The following CDH18 variants were observed in gnomAD, a reference collection of about 807,000 sequenced individuals.
The protein encoded by CDH18 is cadherin 18.
Under a neutral mutation model 67.9 loss-of-function variants are expected in CDH18, and 31 were observed. That is an observed-to-expected ratio of 0.46 (90% confidence interval 0.34 to 0.62). The LOEUF (loss-of-function observed/expected upper bound fraction) is 0.62. Among genes scored for constraint, CDH18 ranks in the 20% least tolerant of loss-of-function variants. The pLI is 0.01. For synonymous variants in CDH18, 362 were observed against 347.2 expected, an observed-to-expected ratio of 1.04 and a Z score of -0.48; for missense variants, 890 against 975.5, an observed-to-expected ratio of 0.91 and a Z score of 1.17.
intron 1 of CDH18, among the ~76,000 whole-genome samples, chr5:20,440,166 A>G (rs1749504796): frequency 6.6e-6 from 1 of 151,958 alleles, no homozygotes; most frequent in Non-Finnish European, 1.5e-5. Context: ...GTCTTTTGAC[A>G]ATATAATACA....
intron 3 of CDH18, among the ~76,000 whole-genome samples, chr5:19,782,125 G>A (rs978238841): frequency 2.6e-5 from 4 of 152,040 alleles, no homozygotes; most frequent in Non-Finnish European, 5.9e-5. Flanking sequence ...CCAGAGACTG[G>A]GTGATTTATA....
At chr5:20,532,004 T>C (rs1392618302) in intron 1 of CDH18, among the ~76,000 whole-genome samples, 1 of 152,112 alleles carries the variant, frequency 6.6e-6, no homozygotes, top group East Asian at 1.9e-4. Flanking sequence ...TATTTATATA[T>C]GTGTGTATGT....
chr5:19,880,282 A>G (rs1181177837), intron 2 of CDH18, among the ~76,000 whole-genome samples: 1 of 152,054 alleles, frequency 6.6e-6, no homozygotes, highest in African/African-American at 2.4e-5. Context: ...GCTATATTAG[A>G]AACTTAAGTA....
intron 2 of CDH18, among the ~76,000 whole-genome samples, chr5:20,136,078 G>A (rs1314566724): frequency 6.6e-6 from 1 of 152,130 alleles, no homozygotes; most frequent in Non-Finnish European, 1.5e-5. Context: ...GTTGATTTGG[G>A]GTGGAGAGTT....
intron 9 of CDH18, among the ~76,000 whole-genome samples, chr5:19,530,208 A>T (rs1469397821): frequency 6.6e-6 from 1 of 152,146 alleles, no homozygotes; most frequent in East Asian, 1.9e-4. Flanking sequence ...CAAATGGTGG[A>T]TCCATTGTAA....
At chr5:19,942,789 T>C (rs953702851) in intron 2 of CDH18, among the ~76,000 whole-genome samples, 2 of 152,176 alleles carry the variant, frequency 1.3e-5, no homozygotes, top group African/African-American at 4.8e-5. Context: ...GGTGGAAGTA[T>C]GAGGCAAACC....
At chr5:20,122,642 T>C (rs887837170) in intron 2 of CDH18, among the ~76,000 whole-genome samples, 13 of 151,760 alleles carry the variant, frequency 8.6e-5, no homozygotes, top group Admixed American at 7.2e-4. Context: ...TTATTCCCAT[T>C]AAAGATTTGT....
At chr5:20,069,673 AGTGCT>A (rs1195134901) in intron 2 of CDH18, among the ~76,000 whole-genome samples, 2 of 152,104 alleles carry the variant, frequency 1.3e-5, no homozygotes, top group African/African-American at 2.4e-5. Context: ...AGCCTCCAAA[AGTGCT>A]GGGATTACAG....
In CDH18 at chr5:20,411,791, G is replaced by A. The variant is rs968852705; in HGVS notation, c.-579-156286C>T. On this transcript the variant is annotated intron_variant, in intron 1 of 14. Coordinates refer to the CDH18 transcript ENST00000507958. Reference sequence around the variant, plus strand: ...GCAATCTCATTTACAATAGCCCCCTGCCCACAAAAAAATACCTAGGAATAC... The same window carrying A: ...GCAATCTCATTTACAATAGCCCCCTACCCACAAAAAAATACCTAGGAATAC... Among the ~76,000 whole-genome samples the A allele has an allele frequency of 2.9e-5, 3 of 104,428 alleles. No individual in the cohort carries two copies. In the Admixed American group the frequency reaches 2.9e-4, roughly 10 times the overall value. The allele number at this position is 104,428 out of a possible 152,430, so 68.5% of individuals were successfully genotyped here. A position where few individuals can be genotyped will look rare whatever the true frequency, so the allele number is the denominator to read the frequency against.
At chr5:20,227,881 C>A (rs1008064423) in intron 2 of CDH18, among the ~76,000 whole-genome samples, 1 of 152,046 alleles carries the variant, frequency 6.6e-6, no homozygotes, top group Non-Finnish European at 1.5e-5. Flanking sequence ...ACAACTTTTT[C>A]TCTCTTCTCT....
At chr5:19,510,090 C>T (rs1312388122) in intron 10 of CDH18, among the ~76,000 whole-genome samples, 1 of 152,096 alleles carries the variant, frequency 6.6e-6, no homozygotes, top group South Asian at 2.1e-4. Flanking sequence ...ATTTGAAAAG[C>T]AATTGTCATT....
intron 1 of CDH18, among the ~76,000 whole-genome samples, chr5:20,445,074 T>C (rs1749906671): frequency 6.6e-6 from 1 of 152,228 alleles, no homozygotes; most frequent in Non-Finnish European, 1.5e-5. Flanking sequence ...CTTTATACAC[T>C]ACTTTTAATA....
At chr5:20,113,680 T>C (rs1444863048) in intron 2 of CDH18, among the ~76,000 whole-genome samples, 1 of 152,226 alleles carries the variant, frequency 6.6e-6, no homozygotes, top group South Asian at 2.1e-4. Flanking sequence ...GAACGTTTTA[T>C]GAATATTTGT....
intron 1 of CDH18, among the ~76,000 whole-genome samples, chr5:20,334,753 TACAC>T (rs35282241): frequency 0.011 from 1,498 of 138,374 alleles, 15 homozygotes; most frequent in African/African-American, 0.026. Flanking sequence ...CTCTCTCTCA[TACAC>T]ACACACACAC....
At chr5:20,255,087 G>C (rs1744131412) in intron 2 of CDH18, among the ~76,000 whole-genome samples, 1 of 152,040 alleles carries the variant, frequency 6.6e-6, no homozygotes, top group Non-Finnish European at 1.5e-5. Flanking sequence ...GAGCACACAT[G>C]GACATAAATA....
intron 1 of CDH18, among the ~76,000 whole-genome samples, chr5:20,416,070 T>A (rs1039780): frequency 0.78 from 119,128 of 151,990 alleles, 46,895 homozygotes; most frequent in Admixed American, 0.86. Flanking sequence ...GCTGTACAAC[T>A]TTGTGCCTAT....
At chr5:19,488,374 T>C (rs1056632652) in intron 11 of CDH18, among the ~76,000 whole-genome samples, 4 of 152,202 alleles carry the variant, frequency 2.6e-5, no homozygotes, top group African/African-American at 7.2e-5. Flanking sequence ...ATTTCAAGCA[T>C]AGCCTGCCAG....
At chr5:19,837,847 T>C (rs879578527) in intron 3 of CDH18, among the ~76,000 whole-genome samples, 24 of 152,182 alleles carry the variant, frequency 1.6e-4, no homozygotes, top group African/African-American at 5.1e-4. Context: ...ACGGATATTC[T>C]ACTGCTGTGC....
Position 20,377,650 on chromosome 5 carries a change from G to T in CDH18, c.-579-122145C>A, listed in dbSNP as rs187871695. 1.8e-3 allele frequency among the ~76,000 whole-genome samples: 273 copies of T among 152,260 alleles called. 3 individuals carry two copies. The highest frequency in any genetic ancestry group is 6.1e-3 in the African/African-American group (254 of 41,542). On this transcript the variant is annotated intron_variant, in intron 1 of 14. Transcript: ENST00000507958. The stretch of plus-strand genomic sequence containing the variant: ...TATTTGGTACTGAAGACAAGATGAC[G>T]CATCTAGCAGTGAGTAAAATATGTT...
Sources: allele counts gnomAD v4.1 joint callset (sites outside exome capture counted in the v4.1 genomes callset), GRCh38; gene constraint gnomAD v4.1.1; transcripts MANE v1.5; gene names NCBI Gene and HGNC (gene_info 2026-07-23, HGNC 2026-07-21).